Variants in ZMYM4 observed in about 807,000 individuals in gnomAD.
ZMYM4 encodes the protein zinc finger MYM-type containing 4.
ZMYM4 carries 31 observed loss-of-function variants against 183.2 expected under a neutral mutation model. The ratio of observed to expected loss-of-function variants is 0.17; its 90% CI spans 0.13 to 0.23. ZMYM4 has a LOEUF of 0.23. Among genes scored for constraint, ZMYM4 ranks in the 10% least tolerant of loss-of-function variants. The pLI, the probability that ZMYM4 is intolerant of heterozygous loss-of-function variation, is 1.00. For missense variants in ZMYM4, 1,273 were observed against 1,840.3 expected, an observed-to-expected ratio of 0.69 and a Z score of 5.64; for synonymous variants, 592 against 631.2, an observed-to-expected ratio of 0.94 and a Z score of 0.93.
chr1:35,349,151 C>A (rs1192306696), intron 2 of ZMYM4, among the ~76,000 whole-genome samples: 1 of 151,968 alleles, frequency 6.6e-6, no homozygotes, highest in Non-Finnish European at 1.5e-5. Context: ...ATGCACCTGG[C>A]AAATTTTTGT....
intron 1 of ZMYM4, 142 bp downstream of exon 1, chr1:35,269,227 C>G (rs1229011724): frequency 2.7e-6 from 2 of 749,284 alleles, no homozygotes; most frequent in Admixed American, 4.6e-5. Flanking sequence ...AGCCTTGGGT[C>G]CGGAGCGCGC....
rs58564183 is a variant in ZMYM4 at position 35,293,004 on chromosome 1, A to ATTT, written c.39+23931_39+23933dup. Among the ~76,000 whole-genome samples, 517 of 145,450 alleles carry ATTT rather than the reference A, an allele frequency of 3.6e-3. 3 individuals carry two copies. Among genetic ancestry groups the ATTT allele is most frequent in the African/African-American group, 0.012 (490 of 39,522 alleles). ...GAATTGTGTCTGTGATACCATTAACATTTTTTTTTTTTTTGAGACAGGTTC... is the reference window on the plus strand; with the variant it reads ...GAATTGTGTCTGTGATACCATTAACATTTTTTTTTTTTTTTTTGAGACAGGTTC... On this transcript the variant is annotated intron_variant, in intron 1 of 29. Coordinates refer to ENST00000314607, the MANE Select transcript of ZMYM4 (RefSeq NM_005095.3).
At chr1:35,340,219 A>G (rs187059645) in intron 2 of ZMYM4, among the ~76,000 whole-genome samples, 118 of 152,078 alleles carry the variant, frequency 7.8e-4, no homozygotes, top group Middle Eastern at 3.4e-3. Flanking sequence ...TGAACTTGGT[A>G]TGTCTTTGTA....
chr1:35,358,775 T>C lies in ZMYM4; in HGVS notation c.86-150T>C, dbSNP rs543755371. On this transcript the variant is annotated intron_variant, in intron 2 of 29. Transcript: ENST00000314607. ...TGTCAGATAGGAATAGTTATATCTGTCACACCTATATCAAAGTGTTAAATG... is the reference window on the plus strand; with the variant it reads ...TGTCAGATAGGAATAGTTATATCTGCCACACCTATATCAAAGTGTTAAATG... 6.7e-5 allele frequency: 45 copies of C among 674,062 alleles called. No homozygotes were observed. The African/African-American group carries it at 7.6e-4, about 11-fold the overall frequency. The allele number at this position is 674,062 out of a possible 1,614,324, so 41.8% of individuals were successfully genotyped here. A position where few individuals can be genotyped will look rare whatever the true frequency, so the allele number is the denominator to read the frequency against.
chr1:35,379,627 AT>A (rs944467601), intron 7 of ZMYM4, among the ~76,000 whole-genome samples: 29 of 152,222 alleles, frequency 1.9e-4, no homozygotes, highest in African/African-American at 6.8e-4. Context: ...ATGTGGTGAA[AT>A]GTTTGGCGCA....
At chr1:35,388,544 TTTCTC>T (rs1173822393) in intron 13 of ZMYM4, among the ~76,000 whole-genome samples, 7 of 151,962 alleles carry the variant, frequency 4.6e-5, no homozygotes, top group African/African-American at 1.7e-4. Context: ...AGTTTAATAT[TTTCTC>T]TTCTGTGCTA....
intron 18 of ZMYM4, 120 bp downstream of exon 18, chr1:35,393,859 C>A: frequency 8.8e-7 from 1 of 1,141,578 alleles, no homozygotes; most frequent in Non-Finnish European, 1.2e-6. Context: ...ATACATTGCC[C>A]AATTTAGTTC....
intron 23 of ZMYM4, among the ~76,000 whole-genome samples, chr1:35,401,051 A>G (rs1644900030): frequency 6.6e-6 from 1 of 152,030 alleles, no homozygotes; most frequent in African/African-American, 2.4e-5. Context: ...GATTGGGGCT[A>G]TTTTGAATAA....
rs948068422 is a variant in ZMYM4 at position 35,268,837 on chromosome 1, C to T, written c.-210C>T. ...GCCCCCACCCCGTCCCCGGGCAGGC[C>T]CTCCCGCCCACGCGCGGACCCGTGG... On this transcript the variant is annotated 5_prime_UTR_variant, in exon 1 of 30. Coordinates refer to ENST00000314607, the MANE Select transcript of ZMYM4 (RefSeq NM_005095.3). 1.6e-5 allele frequency: 7 copies of T among 432,998 alleles called. No individual in the cohort carries two copies. Among genetic ancestry groups the T allele is most frequent in the African/African-American group, 1.0e-4 (5 of 48,196 alleles). 26.8% of individuals were successfully genotyped at this position (432,998 alleles called of 1,614,324 possible).
At chr1:35,353,663 G>A (rs139578761) in intron 2 of ZMYM4, among the ~76,000 whole-genome samples, 1 of 152,240 alleles carries the variant, frequency 6.6e-6, no homozygotes, top group East Asian at 1.9e-4. Context: ...TTGTTCTCTT[G>A]ATATAAGCTC....
intron 7 of ZMYM4, among the ~76,000 whole-genome samples, chr1:35,377,437 C>T (rs962216774): frequency 3.9e-5 from 6 of 152,102 alleles, no homozygotes; most frequent in Admixed American, 3.9e-4. Context: ...ACGATGATTT[C>T]CCATTATATC....
At chr1:35,294,783 C>T (rs938198403) in intron 1 of ZMYM4, among the ~76,000 whole-genome samples, 2 of 151,998 alleles carry the variant, frequency 1.3e-5, no homozygotes, top group African/African-American at 4.8e-5. Context: ...GCTTTCCAAG[C>T]GTAAACAAAA....
intron 2 of ZMYM4, among the ~76,000 whole-genome samples, chr1:35,342,622 T>C (rs1427011447): frequency 6.6e-6 from 1 of 152,122 alleles, no homozygotes; most frequent in Non-Finnish European, 1.5e-5. Context: ...TTTTTGTCCA[T>C]CTTAAAATTT....
chr1:35,342,381 G>A (rs561156331), intron 2 of ZMYM4, among the ~76,000 whole-genome samples: 7 of 151,902 alleles, frequency 4.6e-5, no homozygotes, highest in Admixed American at 1.3e-4. Context: ...GGCTGGTCTC[G>A]AACTCCTGGG....
At chr1:35,417,218 C>T (rs1405270172) in intron 28 of ZMYM4, among the ~76,000 whole-genome samples, 1 of 142,416 alleles carries the variant, frequency 7.0e-6, no homozygotes, top group Non-Finnish European at 1.5e-5. Flanking sequence ...GCCTGGGCAA[C>T]AGAGTGAGAC....
rs576562124 is a variant in ZMYM4 at position 35,312,546 on chromosome 1, A to G, written c.40-12814A>G. On this transcript the variant is annotated intron_variant, in intron 1 of 29. Coordinates refer to ENST00000314607, the MANE Select transcript of ZMYM4 (RefSeq NM_005095.3). ...AAAGTCTGCGTAGAATTTCGTGTTT[A>G]ATCTGTCTTAATAAATTAACCATTT... 8.5e-5 allele frequency among the ~76,000 whole-genome samples: 13 copies of G among 152,266 alleles called. No individual in the cohort carries two copies. The South Asian group carries it at 2.7e-3, about 32-fold the overall frequency.
intron 1 of ZMYM4, among the ~76,000 whole-genome samples, chr1:35,273,428 C>G (rs908148025): frequency 6.6e-6 from 1 of 152,060 alleles, no homozygotes; most frequent in South Asian, 2.1e-4. Context: ...ATTATAATAA[C>G]CAGTATGTTA....
At chr1:35,285,466 A>T (rs1430532872) in intron 1 of ZMYM4, among the ~76,000 whole-genome samples, 2 of 151,970 alleles carry the variant, frequency 1.3e-5, no homozygotes, top group Admixed American at 1.3e-4. Context: ...AAAAAAAAGA[A>T]CTCACTACAG....
chr1:35,337,671 G>A (rs1368824425), intron 2 of ZMYM4, among the ~76,000 whole-genome samples: 2 of 151,896 alleles, frequency 1.3e-5, no homozygotes, highest in African/African-American at 4.8e-5. Flanking sequence ...AAGGCCGGGT[G>A]TGGTGGCTCA....
Sources: allele counts gnomAD v4.1 joint callset (sites outside exome capture counted in the v4.1 genomes callset), GRCh38; gene constraint gnomAD v4.1.1; transcripts MANE v1.5; gene names NCBI Gene and HGNC (gene_info 2026-07-23, HGNC 2026-07-21).